TDRD9: variants seen among roughly 807,000 people sequenced by gnomAD.
TDRD9 encodes the protein tudor domain containing 9.
In TDRD9, 124 loss-of-function variants were observed where a neutral mutation model predicts 172.6. The observed-to-expected ratio is 0.72, with a 90% CI of 0.62 to 0.83. The LOEUF is 0.83. Among genes scored for constraint, TDRD9 ranks in the 40% least tolerant of loss-of-function variants. The probability of loss-of-function intolerance (pLI) is 0.00; values close to 1 mark genes in which losing one functional copy is unlikely to be tolerated. For missense variants in TDRD9, 1,479 were observed against 1,714.1 expected, an observed-to-expected ratio of 0.86 and a Z score of 2.42; for synonymous variants, 619 against 617.1, an observed-to-expected ratio of 1.00 and a Z score of -0.05.
At chr14:103,982,391 G>GGACACC (rs2033507716) in intron 7 of TDRD9, among the ~76,000 whole-genome samples, 1 of 152,122 alleles carries the variant, frequency 6.6e-6, no homozygotes, top group Admixed American at 6.5e-5. Context: ...ACCTGCCAGG[G>GGACACC]TCCCTAGTGA....
intron 1 of TDRD9, among the ~76,000 whole-genome samples, chr14:103,951,461 C>T (rs2031865311): frequency 6.6e-6 from 1 of 152,356 alleles, no homozygotes; most frequent in Non-Finnish European, 1.5e-5. Context: ...CTGGATAACA[C>T]ACTGATAGTT....
At chr14:104,010,376 A>T (rs1346950087) in intron 20 of TDRD9, among the ~76,000 whole-genome samples, 3 of 152,162 alleles carry the variant, frequency 2.0e-5, no homozygotes, top group Non-Finnish European at 4.4e-5. Flanking sequence ...ACACATACAC[A>T]TTAGCCTAGG....
intron 2 of TDRD9, among the ~76,000 whole-genome samples, chr14:103,962,808 A>G (rs2032567693): frequency 6.6e-6 from 1 of 152,120 alleles, no homozygotes; most frequent in Non-Finnish European, 1.5e-5. Context: ...AAAGGACATG[A>G]TTTCATTCTT....
At chr14:103,936,513 G>C (rs749576096) in intron 1 of TDRD9, among the ~76,000 whole-genome samples, 8 of 152,152 alleles carry the variant, frequency 5.3e-5, no homozygotes, top group Admixed American at 2.0e-4. Context: ...TACTCCTCAA[G>C]CCATGGTGGA....
At chr14:103,938,034 A>G (rs2030887628) in intron 1 of TDRD9, among the ~76,000 whole-genome samples, 1 of 152,048 alleles carries the variant, frequency 6.6e-6, no homozygotes, top group Admixed American at 6.6e-5. Flanking sequence ...CCTCTCTGCC[A>G]ATGAGCAAGC....
intron 20 of TDRD9, among the ~76,000 whole-genome samples, chr14:104,009,334 C>T (rs2034539648): frequency 6.6e-6 from 1 of 152,138 alleles, no homozygotes; most frequent in Non-Finnish European, 1.5e-5. Context: ...TGAAACCATC[C>T]CCATCTACTC....
chr14:104,022,160 C>T lies in TDRD9; in HGVS notation c.2436C>T (p.Ala812=), dbSNP rs1416136399. The change falls in exon 24 of 36, where the codon GCC becomes GCT. Residue 812 remains alanine, a synonymous_variant. Transcript: ENST00000409874. ...VKSIVFDGAK[A]FVEFSRNPTE... ...TAAATTTACATTTGTGGAACAGAGCCTTTGTGGAATTCTCACGAAATCCAA... is the reference window on the plus strand; with the variant it reads ...TAAATTTACATTTGTGGAACAGAGCTTTTGTGGAATTCTCACGAAATCCAA... 6.4e-6 allele frequency: 10 copies of T among 1,552,424 alleles called. No homozygotes were observed. In the Admixed American group the frequency reaches 2.0e-4, roughly 31 times the overall value.
intron 1 of TDRD9, among the ~76,000 whole-genome samples, chr14:103,951,257 C>T (rs1473172093): frequency 1.3e-5 from 2 of 152,338 alleles, no homozygotes; most frequent in East Asian, 1.9e-4. Flanking sequence ...TAAAAAGCAG[C>T]ATTGCCAAAT....
Position 104,025,710 on chromosome 14 carries a change from T to G in TDRD9, c.2865T>G (p.Phe955Leu). 7 of 1,614,082 alleles carry G rather than the reference T, an allele frequency of 4.3e-6. No homozygotes were observed. The highest frequency in any genetic ancestry group is 5.9e-6 in the Non-Finnish European group (7 of 1,179,900). Residue 955 changes from phenylalanine to leucine, a missense_variant, in exon 26 of 36, where the codon TTT becomes TTG. Physicochemically the swap from Phe to Leu is conservative, Grantham distance 22. Around this residue, in one of 3 missense-constraint regions of TDRD9, gnomAD observed 1,413 missense variants for 1,649.1 expected, o/e 0.86. Transcript: ENST00000409874. ...CAGACTTGGTCTGTCTGGCACCTTT[T>G]GCTGATTTTGATAAACAACGCTACT... ...PHPDLVCLAP[F>L]ADFDKQRYFR...
chr14:103,962,140 G>T (rs997639419), intron 2 of TDRD9, among the ~76,000 whole-genome samples: 3 of 152,224 alleles, frequency 2.0e-5, no homozygotes, highest in Non-Finnish European at 4.4e-5. Context: ...AGAGAAGTGT[G>T]CCTGGTCAGA....
chr14:104,035,688 G>A (rs917929682), intron 32 of TDRD9, among the ~76,000 whole-genome samples: 1 of 152,240 alleles, frequency 6.6e-6, no homozygotes, highest in Non-Finnish European at 1.5e-5. Context: ...GGAGCAGTGG[G>A]TGGGGGTGGC....
intron 34 of TDRD9, 70 bp from the exon 35 acceptor site, chr14:104,049,538 T>TA (rs1363251024): frequency 2.3e-6 from 3 of 1,294,512 alleles, no homozygotes; most frequent in South Asian, 2.9e-5. Flanking sequence ...TTTAAATCTT[T>TA]AAAAAAATCA....
At chr14:103,962,387 G>C (rs2032549488) in intron 2 of TDRD9, among the ~76,000 whole-genome samples, 1 of 152,204 alleles carries the variant, frequency 6.6e-6, no homozygotes. Context: ...AGGCAGTGCT[G>C]AGCTTGCAAT....
intron 7 of TDRD9, among the ~76,000 whole-genome samples, chr14:103,982,368 C>CAGGTG: frequency 6.6e-6 from 1 of 152,182 alleles, no homozygotes; most frequent in Admixed American, 6.5e-5. Context: ...TCCCCTGTTG[C>CAGGTG]CACTCAGACT....
chr14:104,019,048 G>T (rs1379459201), intron 23 of TDRD9, among the ~76,000 whole-genome samples: 5 of 152,204 alleles, frequency 3.3e-5, no homozygotes, highest in Non-Finnish European at 5.9e-5. Context: ...AACTCTTAGA[G>T]AATTAATTAA....
At chr14:104,040,089 T>C in intron 32 of TDRD9, 107 bp from the exon 33 acceptor site, 1 of 1,062,016 alleles carries the variant, frequency 9.4e-7, no homozygotes, top group South Asian at 3.9e-5. Context: ...ATTGCTGTAC[T>C]AGGGCTGGCA....
At chr14:103,937,869 A>ATTTTTTTTTTTTTTTTTTTTTTT (rs2030877082) in intron 1 of TDRD9, among the ~76,000 whole-genome samples, 3 of 130,850 alleles carry the variant, frequency 2.3e-5, no homozygotes, top group African/African-American at 8.3e-5. Flanking sequence ...TTTTTTTTTA[A>ATTTTTTTTTTTTTTTTTTTTTTT]TTTTCTTTTT....
chr14:103,969,971 G>T (rs931985609), intron 5 of TDRD9, among the ~76,000 whole-genome samples: 1 of 152,120 alleles, frequency 6.6e-6, no homozygotes, highest in Non-Finnish European at 1.5e-5. Flanking sequence ...CCTTGCTCTG[G>T]TTTACCTGTT....
At chr14:104,006,612 T>C in intron 16 of TDRD9, 34 bp from the exon 17 acceptor site, 1 of 1,613,006 alleles carries the variant, frequency 6.2e-7, no homozygotes, top group Non-Finnish European at 8.5e-7. Flanking sequence ...ACTCTCACAA[T>C]CTTACATTCT....
Sources: gnomAD v4.1 joint callset for allele counts (sites outside exome capture counted in the v4.1 genomes callset) on GRCh38, gnomAD v4.1.1 for gene constraint, gnomAD v4.1.1 regional missense constraint, MANE v1.5 for transcripts, NCBI Gene and HGNC (gene_info 2026-07-23, HGNC 2026-07-21) for gene names.